Variants in TMEM132B observed in about 807,000 individuals in gnomAD.
TMEM132B encodes the protein transmembrane protein 132B.
A neutral mutation model predicts 90.8 loss-of-function variants in TMEM132B; 18 were observed. The ratio of observed to expected loss-of-function variants is 0.20; its 90% CI spans 0.14 to 0.29. The LOEUF (loss-of-function observed/expected upper bound fraction) is 0.29, where lower values mean the gene tolerates loss of function less well. Ranked by LOEUF, TMEM132B falls within the 10% of genes least tolerant of loss-of-function variation. The pLI is 1.00. For missense variants in TMEM132B, 1,096 were observed against 1,326.8 expected (o/e 0.83, Z 2.70); for synonymous variants, 504 against 523.3 (o/e 0.96, Z 0.50).
rs765868848 is a variant in TMEM132B, at chr12:125,644,201, G to T, written c.1563G>T (p.Arg521Ser). ...SQFEVTVWAP[R>S]LPLQIEISDT... Reference sequence around the variant, plus strand: ...TCGAGGTCACTGTCTGGGCACCCAGGCTCCCCCTGCAGATTGAGATCTCAG... The same window carrying T: ...TCGAGGTCACTGTCTGGGCACCCAGTCTCCCCCTGCAGATTGAGATCTCAG... The change falls in exon 6 of 9, where the codon AGG becomes AGT. Residue 521 changes from arginine to serine, a missense_variant. Physicochemically the swap from Arg to Ser is moderately radical, Grantham distance 110. Transcript: ENST00000682704. 6.2e-7 allele frequency: 1 copy of T among 1,614,186 alleles called. No homozygotes were observed.
intron 1 of TMEM132B, among the ~76,000 whole-genome samples, chr12:125,285,180 G>A (rs1875314276): frequency 6.6e-6 from 1 of 152,232 alleles, no homozygotes; most frequent in Admixed American, 6.5e-5. Flanking sequence ...CTGAGGGCAG[G>A]AGTACAATAA....
intron 3 of TMEM132B, among the ~76,000 whole-genome samples, chr12:125,507,905 T>C (rs1021022590): frequency 5.3e-5 from 8 of 151,744 alleles, no homozygotes; most frequent in African/African-American, 1.9e-4. Flanking sequence ...CACAGAGAGA[T>C]CAGGTAGGAG....
At chr12:125,187,469 T>G (rs1957766847) in intron 1 of TMEM132B, among the ~76,000 whole-genome samples, 1 of 151,804 alleles carries the variant, frequency 6.6e-6, no homozygotes, top group Non-Finnish European at 1.5e-5. Flanking sequence ...GCGCGCCTCC[T>G]GCAAACGCGG....
chr12:125,572,516 GA>G (rs1884824901), intron 4 of TMEM132B, among the ~76,000 whole-genome samples: 1 of 152,144 alleles, frequency 6.6e-6, no homozygotes, highest in Non-Finnish European at 1.5e-5. Flanking sequence ...TCACAGTGAG[GA>G]AAAAATTTTG....
At chr12:125,296,029 G>T (rs1255135984) in intron 1 of TMEM132B, among the ~76,000 whole-genome samples, 1 of 152,094 alleles carries the variant, frequency 6.6e-6, no homozygotes, top group East Asian at 1.9e-4. Context: ...AAAAGAAAAG[G>T]TTGCCCTTGA....
chr12:125,591,006 C>T (rs896802932), intron 5 of TMEM132B, among the ~76,000 whole-genome samples: 60 of 151,658 alleles, frequency 4.0e-4, no homozygotes, highest in Admixed American at 2.4e-3. Flanking sequence ...ATTGTGTGTA[C>T]GCATGCACGC....
At chr12:125,345,510 T>C (rs189438160) in intron 1 of TMEM132B, among the ~76,000 whole-genome samples, 2 of 152,318 alleles carry the variant, frequency 1.3e-5, no homozygotes, top group East Asian at 3.9e-4. Context: ...CCTGCCTGGA[T>C]TCCCGGCACC....
At chr12:125,387,524 C>G (rs1878875761) in intron 2 of TMEM132B, among the ~76,000 whole-genome samples, 1 of 152,154 alleles carries the variant, frequency 6.6e-6, no homozygotes, top group Admixed American at 6.5e-5. Flanking sequence ...AGGTCTGTAG[C>G]CAACAAAGTC....
At chr12:125,517,085 G>A (rs750239196) in intron 3 of TMEM132B, among the ~76,000 whole-genome samples, 9 of 152,110 alleles carry the variant, frequency 5.9e-5, no homozygotes, top group Admixed American at 3.3e-4. Context: ...CCCCTGATGG[G>A]AAGGGGGGTC....
intron 7 of TMEM132B, 100 bp downstream of exon 7, chr12:125,651,053 G>C: frequency 3.5e-6 from 5 of 1,435,904 alleles, no homozygotes; most frequent in Non-Finnish European, 3.8e-6. Context: ...TGTGCATGTG[G>C]ACATGTATAT....
intron 2 of TMEM132B, among the ~76,000 whole-genome samples, chr12:125,366,942 T>C (rs1419086740): frequency 8.5e-5 from 13 of 152,198 alleles, no homozygotes; most frequent in Admixed American, 8.5e-4. Context: ...GTCATCTTTA[T>C]TTGGGTATTA....
chr12:125,502,310 C>T (rs1403841639), intron 3 of TMEM132B, among the ~76,000 whole-genome samples: 8 of 152,144 alleles, frequency 5.3e-5, no homozygotes, highest in Non-Finnish European at 4.4e-5. Context: ...AACAAACCAC[C>T]CCCAAATCTC....
chr12:125,337,936 A>T (rs540612004), intron 1 of TMEM132B, among the ~76,000 whole-genome samples: 1 of 152,274 alleles, frequency 6.6e-6, no homozygotes, highest in South Asian at 2.1e-4. Flanking sequence ...TCTTCTGGTG[A>T]TGACTTCTAT....
At chr12:125,215,928 C>T (rs946067768) in intron 1 of TMEM132B, among the ~76,000 whole-genome samples, 3 of 152,234 alleles carry the variant, frequency 2.0e-5, no homozygotes, top group Admixed American at 6.5e-5. Context: ...TGATCACAGT[C>T]TCTATTGCCA....
chr12:125,519,494 A>G lies in TMEM132B; in HGVS notation c.1162A>G (p.Ser388Gly). The change falls in exon 4 of 9, where the codon AGT becomes GGT. Residue 388 changes from serine (S) to glycine (G), a missense_variant. Ser to Gly is a moderately conservative substitution (Grantham distance 56). Transcript: ENST00000682704. ...AGTGGACTTTGGAATTGATAATAGC[A>G]GTGACCTGGCTGGGGCCCAGCAGAT... is the stretch of plus-strand genomic sequence containing the variant. ...LQVDFGIDNS[S>G]DLAGAQQITW... 1 of 1,614,138 alleles carries G rather than the reference A, an allele frequency of 6.2e-7. No homozygotes were observed. The highest frequency in any genetic ancestry group is 8.5e-7 in the Non-Finnish European group (1 of 1,180,002).
chr12:125,493,418 T>C (rs181976489), intron 3 of TMEM132B, among the ~76,000 whole-genome samples: 1 of 152,266 alleles, frequency 6.6e-6, no homozygotes, highest in Admixed American at 6.5e-5. Context: ...AGCCAAGTGG[T>C]TCCCTGCAGA....
rs1470761647 is a variant in TMEM132B at position 125,519,499 on chromosome 12, C to A, written c.1167C>A (p.Asp389Glu). Residue 389 changes from aspartate (D) to glutamate (E), a missense_variant, in exon 4 of 9, where the codon GAC (aspartate) becomes GAA (glutamate). Transcript: ENST00000682704. ...QVDFGIDNSS[D>E]LAGAQQITWQ... ...ACTTTGGAATTGATAATAGCAGTGACCTGGCTGGGGCCCAGCAGATTACCT... is the reference window on the plus strand; with the variant it reads ...ACTTTGGAATTGATAATAGCAGTGAACTGGCTGGGGCCCAGCAGATTACCT... 2 of 1,614,072 alleles carry A rather than the reference C, an allele frequency of 1.2e-6. No individual in the cohort carries two copies. The highest frequency in any genetic ancestry group is 1.7e-6 in the Non-Finnish European group (2 of 1,179,994).
In TMEM132B at chr12:125,186,900, G is replaced by C. The variant is rs909136385; in HGVS notation, c.67+34G>C. On this transcript the variant is annotated intron_variant, in intron 1 of 8. Transcript: ENST00000682704. The surrounding 1 kb of genome is among the most constrained non-coding windows in gnomAD (Gnocchi z 6.3). ...TCCCCGGACCCCATCCCCGACCCCG[G>C]CCGAGGCGCACAAAGTTGGGTGAAC... 3.3e-5 allele frequency: 5 copies of C among 152,182 alleles called. No homozygotes were observed. Among genetic ancestry groups the C allele is most frequent in the African/African-American group, 1.2e-4 (5 of 41,442 alleles). 9.4% of individuals were successfully genotyped at this position (152,182 alleles called of 1,614,324 possible).
chr12:125,506,351 C>G (rs1882847640), intron 3 of TMEM132B, among the ~76,000 whole-genome samples: 1 of 152,074 alleles, frequency 6.6e-6, no homozygotes, highest in Non-Finnish European at 1.5e-5. Flanking sequence ...CAGTGGTTGT[C>G]AGAGTTGGGG....
Sources: allele counts gnomAD v4.1 joint callset (sites outside exome capture counted in the v4.1 genomes callset), GRCh38; gene constraint gnomAD v4.1.1; non-coding constraint Gnocchi (gnomAD v3.1); transcripts MANE v1.5; gene names NCBI Gene and HGNC (gene_info 2026-07-23, HGNC 2026-07-21).